The following COL5A3 variants were observed in gnomAD, a reference collection of about 807,000 sequenced individuals.
COL5A3 encodes the protein collagen alpha-3(V) chain.
Under a neutral mutation model 250.0 loss-of-function variants are expected in COL5A3, and 172 were observed. The ratio of observed to expected loss-of-function variants is 0.69; its 90% CI spans 0.61 to 0.78. The LOEUF (loss-of-function observed/expected upper bound fraction) is 0.78. COL5A3 is among the 30% of genes least tolerant of loss of function. The probability of loss-of-function intolerance (pLI) is 0.00; values close to 1 mark genes in which losing one functional copy is unlikely to be tolerated. For synonymous variants in COL5A3, 937 were observed against 900.4 expected (o/e 1.04, Z -0.73); for missense variants, 2,340 against 2,334.4 (o/e 1.00, Z -0.05).
intron 57 of COL5A3, chr19:9,969,004 A>G: frequency 1.7e-6 from 1 of 585,068 alleles, no homozygotes; most frequent in Non-Finnish European, 3.0e-6. Context: ...AGGCATCAAG[A>G]TGAAGGGTCA....
intron 31 of COL5A3, among the ~76,000 whole-genome samples, chr19:9,983,326 AC>A (rs1373879326): frequency 6.6e-6 from 1 of 151,478 alleles, no homozygotes; most frequent in Non-Finnish European, 1.5e-5. Flanking sequence ...GCATAGCGAG[AC>A]CCTGTCTCTG....
intron 32 of COL5A3, among the ~76,000 whole-genome samples, chr19:9,981,549 T>G (rs761189729): frequency 1.4e-4 from 22 of 152,234 alleles, no homozygotes; most frequent in Non-Finnish European, 3.1e-4. Flanking sequence ...CTGAGGACTT[T>G]GTCTTGGTAA....
intron 27 of COL5A3, among the ~76,000 whole-genome samples, chr19:9,987,562 C>A (rs1342837222): frequency 1.3e-5 from 2 of 151,074 alleles, no homozygotes; most frequent in Non-Finnish European, 2.9e-5. Context: ...CACAGGAAAA[C>A]CTCATCTATA....
rs765501377 is a variant in COL5A3, at chr19:10,010,354, C to T, written c.32G>A (p.Arg11Gln). The change falls in exon 1 of 67, where the codon CGG becomes CAG. Residue 11 changes from arginine (R) to glutamine (Q), a missense_variant. Coordinates refer to ENST00000264828, the MANE Select transcript of COL5A3 (RefSeq NM_015719.4). MGNRRDLGQP[R>Q]AGLCLLLAAL... is the part of the protein sequence containing the mutation. ...GGCCAGGAGCAGGCAGAGACCGGCC[C>T]GCGGCTGGCCCAGGTCCCGGCGGTT... 7.4e-5 allele frequency: 108 copies of T among 1,467,184 alleles called. 1 individual carries two copies. The South Asian group carries it at 7.9e-4, about 11-fold the overall frequency. 90.9% of individuals were successfully genotyped at this position (1,467,184 alleles called of 1,614,324 possible). A position where few individuals can be genotyped will look rare whatever the true frequency, so the allele number is the denominator to read the frequency against.
intron 43 of COL5A3, 21 bp downstream of exon 43, chr19:9,977,344 T>C (rs765568160): frequency 1.2e-6 from 2 of 1,611,154 alleles, no homozygotes; most frequent in East Asian, 2.2e-5. Context: ...CCTGGACCCT[T>C]CCTCTCTGTG....
chr19:9,992,671 G>A (rs577762964), intron 21 of COL5A3, among the ~76,000 whole-genome samples, 156 bp downstream of exon 21: 1 of 152,244 alleles, frequency 6.6e-6, no homozygotes, highest in Non-Finnish European at 1.5e-5. Flanking sequence ...CAGCTACTCA[G>A]GAGGCTGAAG....
intron 8 of COL5A3, among the ~76,000 whole-genome samples, chr19:9,999,034 T>TTTTCTTTC (rs1555741026): frequency 3.7e-4 from 38 of 101,890 alleles, no homozygotes; most frequent in African/African-American, 6.2e-4. Context: ...TTCTCTTTCT[T>TTTTCTTTC]TTTCTTTCTC....
chr19:9,967,493 A>T (rs1599529007), intron 61 of COL5A3, 93 bp from the exon 62 acceptor site: 2 of 821,438 alleles, frequency 2.4e-6, no homozygotes, highest in Admixed American at 6.5e-5. Context: ...TCACACACAC[A>T]CTCACACACA....
intron 24 of COL5A3, among the ~76,000 whole-genome samples, 165 bp from the exon 25 acceptor site, chr19:9,989,687 C>A (rs1054193200): frequency 6.6e-6 from 1 of 152,230 alleles, no homozygotes; most frequent in Non-Finnish European, 1.5e-5. Flanking sequence ...TGACCCCAGG[C>A]AAGCCCATTT....
Position 9,996,646 on chromosome 19 carries a change from C to T in COL5A3, c.1307G>A (p.Arg436Gln), listed in dbSNP as rs773225571. 32 of 1,612,070 alleles carry T rather than the reference C, an allele frequency of 2.0e-5. No individual in the cohort carries two copies. The highest frequency in any genetic ancestry group is 2.5e-5 in the Non-Finnish European group (30 of 1,179,526). Residue 436 changes from arginine to glutamine, a missense_variant, in exon 12 of 67, where the codon CGA becomes CAA. This residue lies in a region of COL5A3 where 1,152 missense variants were observed against 1,146.3 expected (regional missense o/e 1.00). Transcript: ENST00000264828. ...CATGATCACAGTGCCCGGTGGGCCT[C>T]GGATCCCATCAATGCCGGGGATTCC... is the stretch of plus-strand genomic sequence containing the variant. The part of the protein sequence containing the change: ...LPGIPGIDGI[R>Q]GPPGTVIMMP...
rs775022319 is a variant in COL5A3 at position 9,991,996 on chromosome 19, GCACATAC to G, written c.1893+1_1893+7del. ...AGGGTCAGAGGTCAAAGGGCACAGGGCACATACCACATTGCCTTTGGCACCAGGAGCA... is the reference window on the plus strand; with the variant it reads ...AGGGTCAGAGGTCAAAGGGCACAGGGCACATTGCCTTTGGCACCAGGAGCA... On this transcript the variant is annotated splice_donor_variant and splice_donor_5th_base_variant and intron_variant, in intron 22 of 66. Transcript: ENST00000264828. LOFTEE classifies it high-confidence loss of function. 6.2e-7 allele frequency: 1 copy of G among 1,611,420 alleles called. No individual in the cohort carries two copies. The highest frequency in any genetic ancestry group is 1.1e-5 in the South Asian group (1 of 90,986).
In COL5A3 at chr19:9,969,760, A is replaced by T. The variant is rs898188764; in HGVS notation, c.3991-78T>A. The T allele has an allele frequency of 2.5e-6, 4 of 1,569,308 alleles. No individual in the cohort carries two copies. In the African/African-American group the frequency reaches 5.4e-5, roughly 21 times the overall value. Reference sequence around the variant, plus strand: ...TGACCCCTGCCAAGAAGCATCTGGGATCGGGAGGGAGTAGGTGCACAGAGT... The same window carrying T: ...TGACCCCTGCCAAGAAGCATCTGGGTTCGGGAGGGAGTAGGTGCACAGAGT... On this transcript the variant is annotated intron_variant, in intron 55 of 66. Coordinates refer to ENST00000264828, the MANE Select transcript of COL5A3 (RefSeq NM_015719.4).
chr19:9,973,469 T>G, intron 50 of COL5A3, 101 bp downstream of exon 50: 1 of 1,190,090 alleles, frequency 8.4e-7, no homozygotes, highest in Non-Finnish European at 1.2e-6. Context: ...CAGGGGTGAG[T>G]GGATGATCTT....
In COL5A3 at chr19:10,009,632, G is replaced by C. The variant is rs2145153742; in HGVS notation, c.88+666C>G. On this transcript the variant is annotated intron_variant, in intron 1 of 66. Transcript: ENST00000264828. The surrounding 1 kb of genome is among the most constrained non-coding windows in gnomAD (Gnocchi z 4.4). The stretch of plus-strand genomic sequence containing the variant: ...GGGGTGGGGGAGGGGGCAACAGGGA[G>C]GGAGGGGAGGAGATGGGCGCTCGCC... Among the ~76,000 whole-genome samples, 1 of 152,248 alleles carries C rather than the reference G, an allele frequency of 6.6e-6. No homozygotes were observed. Among genetic ancestry groups the C allele is most frequent in the Middle Eastern group, 3.4e-3 (1 of 294 alleles).
At chr19:9,980,116 A>C in intron 35 of COL5A3, 69 bp from the exon 36 acceptor site, 3 of 1,420,088 alleles carry the variant, frequency 2.1e-6, no homozygotes, top group Non-Finnish European at 2.9e-6. Flanking sequence ...GCCCCACATA[A>C]TGACAACAGG....
At position 10,003,676 on chromosome 19, in the gene COL5A3, C is replaced by A; in HGVS notation, c.738G>T (p.Arg246=). 1 of 1,614,170 alleles carries A rather than the reference C, an allele frequency of 6.2e-7. No homozygotes were observed. The highest frequency in any genetic ancestry group is 2.2e-5 in the East Asian group (1 of 44,880). The change falls in exon 6 of 67, where the codon CGG becomes CGT. Residue 246 remains arginine (R), a synonymous_variant. Coordinates refer to ENST00000264828, the MANE Select transcript of COL5A3 (RefSeq NM_015719.4). ...QGEPETPRPR[R]KGKGKGRKKG... The stretch of plus-strand genomic sequence containing the variant: ...TCTTCCTCCCTTTTCCCTTCCCCTT[C>A]CGCCGAGGACGAGGGGTTTCTGGTT...
At chr19:9,975,410 A>G (rs564078010) in intron 45 of COL5A3, among the ~76,000 whole-genome samples, 20 of 152,264 alleles carry the variant, frequency 1.3e-4, no homozygotes, top group African/African-American at 4.8e-4. Flanking sequence ...ACTGAGGTTA[A>G]GGTCATGAGT....
At position 10,006,094 on chromosome 19, in the gene COL5A3, G is replaced by C; in HGVS notation, c.226C>G (p.Pro76Ala). ...TCACCTGGAAAGAGTTCCCACGTGG[G>C]GATGCCGAGCGTGCTGGCCTGGCCA... is the stretch of plus-strand genomic sequence containing the variant. Reference protein sequence around the residue: ...RIGQASTLGIPTWELFPEGHF... With the variant: ...RIGQASTLGIATWELFPEGHF... Residue 76 changes from proline (P) to alanine (A), a missense_variant, in exon 2 of 67, where the codon CCC becomes GCC. Around this residue, in one of 3 missense-constraint regions of COL5A3, gnomAD observed 1,152 missense variants for 1,146.3 expected, o/e 1.00. Transcript: ENST00000264828. 6.2e-7 allele frequency: 1 copy of C among 1,614,032 alleles called. No homozygotes were observed. Among genetic ancestry groups the C allele is most frequent in the Non-Finnish European group, 8.5e-7 (1 of 1,179,938 alleles).
chr19:9,981,161 G>C, intron 32 of COL5A3, 29 bp from the exon 33 acceptor site: 1 of 1,611,450 alleles, frequency 6.2e-7, no homozygotes, highest in East Asian at 2.2e-5. Flanking sequence ...AGAGAAAGCA[G>C]AAGAGAGTTA....
Sources: allele counts gnomAD v4.1 joint callset (sites outside exome capture counted in the v4.1 genomes callset), GRCh38; gene constraint gnomAD v4.1.1; regional missense constraint gnomAD v4.1.1; non-coding constraint Gnocchi (gnomAD v3.1); transcripts MANE v1.5; gene names NCBI Gene and HGNC (gene_info 2026-07-23, HGNC 2026-07-21).